Variants in WNK3 observed in about 807,000 individuals in gnomAD.
The protein encoded by WNK3 is WNK lysine deficient protein kinase 3, also known as serine/threonine-protein kinase WNK3.
A neutral mutation model predicts 116.7 loss-of-function variants in WNK3; 18 were observed. That is an observed-to-expected ratio of 0.15 (90% CI 0.11 to 0.23). WNK3 has a LOEUF of 0.23. WNK3 is among the 10% of genes least tolerant of loss of function. WNK3 has a pLI of 1.00. For missense variants in WNK3, 993 were observed against 1,323.8 expected (o/e 0.75, Z 3.88); for synonymous variants, 404 against 469.4 (o/e 0.86, Z 1.80).
intron 2 of WNK3, among the ~76,000 whole-genome samples, chrX:54,324,224 G>A (rs1455395714): frequency 8.9e-6 from 1 of 111,758 alleles, no homozygotes; most frequent in Admixed American, 9.6e-5. Context: ...TGATTACACT[G>A]GGTCCACCCA....
intron 2 of WNK3, among the ~76,000 whole-genome samples, chrX:54,321,366 C>G (rs781926562): frequency 9.0e-6 from 1 of 111,626 alleles, no homozygotes; most frequent in South Asian, 3.8e-4. Context: ...CTGGCACAGG[C>G]AACACTGGAA....
intron 15 of WNK3, among the ~76,000 whole-genome samples, chrX:54,250,354 C>A (rs55958776): frequency 0.01 from 1,115 of 111,337 alleles, 5 homozygotes; most frequent in Non-Finnish European, 0.015. Flanking sequence ...TCTACTGAAA[C>A]AAATATTGCT....
chrX:54,320,694 C>CT (rs781895250), intron 2 of WNK3, among the ~76,000 whole-genome samples: 125 of 101,633 alleles, frequency 1.2e-3, no homozygotes, highest in African/African-American at 1.3e-3. Context: ...CTATGCTCAG[C>CT]TTTTTTTTTT....
At chrX:54,247,649 T>C (rs1466027157) in intron 17 of WNK3, among the ~76,000 whole-genome samples, 1 of 110,362 alleles carries the variant, frequency 9.1e-6, no homozygotes, top group Non-Finnish European at 1.9e-5. Flanking sequence ...TACTTGTACG[T>C]AGTACATATA....
chrX:54,226,713 C>T (rs782321833), intron 22 of WNK3, among the ~76,000 whole-genome samples: 1 of 103,840 alleles, frequency 9.6e-6, no homozygotes, highest in Non-Finnish European at 2.0e-5. Context: ...TGGTGCCACG[C>T]GCCTGTGTCC....
chrX:54,277,230 C>T (rs1253940992), intron 10 of WNK3, among the ~76,000 whole-genome samples: 1 of 111,377 alleles, frequency 9.0e-6, no homozygotes, highest in Non-Finnish European at 1.9e-5. Context: ...CAGTACAGTA[C>T]TGGAAATTCT....
exon 14 of WNK3, chrX:54,251,685 A>G: frequency 8.3e-7 from 1 of 1,209,287 alleles, no homozygotes; most frequent in Non-Finnish European, 1.1e-6. Context: ...AGTTATCTTC[A>G]ACCTGCCCAA....
chrX:54,286,435 T>C (rs1456414445), intron 10 of WNK3, among the ~76,000 whole-genome samples: 1 of 111,425 alleles, frequency 9.0e-6, no homozygotes, highest in Non-Finnish European at 1.9e-5. Context: ...CCTGAGGTAA[T>C]AGCTGTTTGG....
At chrX:54,342,008 A>G (rs1249300621) in intron 1 of WNK3, among the ~76,000 whole-genome samples, 1 of 112,154 alleles carries the variant, frequency 8.9e-6, no homozygotes, top group Non-Finnish European at 1.9e-5. Context: ...TACTCCCAGT[A>G]TTTGGGGCGG....
intron 22 of WNK3, among the ~76,000 whole-genome samples, chrX:54,214,929 C>T (rs374245383): frequency 3.7e-5 from 4 of 108,557 alleles, no homozygotes; most frequent in Non-Finnish European, 5.7e-5. Flanking sequence ...AGGAAAATGG[C>T]GTGAACCCAG....
At chrX:54,306,036 C>T (rs1170986078) in intron 5 of WNK3, among the ~76,000 whole-genome samples, 8 of 110,879 alleles carry the variant, frequency 7.2e-5, no homozygotes, top group African/African-American at 2.6e-4. Context: ...GCCTAGACGA[C>T]AGGGCAAGAC....
chrX:54,286,252 C>T lies in WNK3; in HGVS notation c.2037+6636G>A, dbSNP rs1387073358. 4.6e-5 allele frequency among the ~76,000 whole-genome samples: 5 copies of T among 109,785 alleles called. No homozygotes were observed. In the Admixed American group the frequency reaches 4.9e-4, roughly 11 times the overall value. ...AGAAGAAAAAATGGTTTGTTAAACC[C>T]CTTAATCTGAAATAAATAAATCCCA... On this transcript the variant is annotated intron_variant, in intron 10 of 23. Coordinates refer to ENST00000354646, the Ensembl canonical transcript of WNK3.
chrX:54,282,014 T>TA (rs879292316), intron 10 of WNK3, among the ~76,000 whole-genome samples: 16 of 108,236 alleles, frequency 1.5e-4, no homozygotes, highest in African/African-American at 4.7e-4. Context: ...TTTTTTTTTT[T>TA]AATTTTTTGA....
chrX:54,350,337 G>A (rs782544088), intron 1 of WNK3, among the ~76,000 whole-genome samples: 5 of 109,558 alleles, frequency 4.6e-5, no homozygotes, highest in South Asian at 8.0e-4. Context: ...GTGAACCCAC[G>A]AGGTGGAGCT....
chrX:54,354,286 A>G (rs1557179007), intron 1 of WNK3, among the ~76,000 whole-genome samples: 1 of 111,696 alleles, frequency 9.0e-6, no homozygotes, highest in East Asian at 2.8e-4. Context: ...CAGTCATCAA[A>G]TATCTCCTAA....
chrX:54,293,331 T>TA lies in WNK3; in HGVS notation c.1694-5dup. Reference sequence around the variant, plus strand: ...CCTGCCTCAGACAAATTGTCACCTATAAAAAAAGAAAATAAGTAACAGGTA... The same window carrying TA: ...CCTGCCTCAGACAAATTGTCACCTATAAAAAAAAGAAAATAAGTAACAGGTA... On this transcript the variant is annotated splice_region_variant and splice_polypyrimidine_tract_variant and intron_variant, in intron 8 of 23. Transcript: ENST00000354646. 1 of 1,179,698 alleles carries TA rather than the reference T, an allele frequency of 8.5e-7. No individual in the cohort carries two copies. The highest frequency in any genetic ancestry group is 1.1e-6 in the Non-Finnish European group (1 of 881,871).
At chrX:54,311,184 A>G in exon 3 of WNK3, 1 of 1,191,127 alleles carries the variant, frequency 8.4e-7, no homozygotes, top group Non-Finnish European at 1.1e-6. Context: ...CTTTTAATAT[A>G]GATTCCCAGG....
chrX:54,288,025 T>C (rs781817900), intron 10 of WNK3, among the ~76,000 whole-genome samples: 2 of 111,951 alleles, frequency 1.8e-5, no homozygotes, highest in South Asian at 7.5e-4. Context: ...ATCCCAGAGC[T>C]TTGATAGAGG....
intron 10 of WNK3, among the ~76,000 whole-genome samples, chrX:54,287,342 T>C (rs782033252): frequency 5.0e-4 from 56 of 111,991 alleles, no homozygotes; most frequent in Admixed American, 2.9e-3. Context: ...TTTCCAAACA[T>C]GCCAGACAAA....
Sources: allele counts gnomAD v4.1 joint callset (sites outside exome capture counted in the v4.1 genomes callset), GRCh38; gene constraint gnomAD v4.1.1; transcripts MANE v1.5; gene names NCBI Gene and HGNC (gene_info 2026-07-23, HGNC 2026-07-21).